The following EGFLAM variants were observed in gnomAD, a reference collection of about 807,000 sequenced individuals.
EGFLAM encodes pikachurin.
EGFLAM carries 79 observed loss-of-function variants against 113.1 expected under a neutral mutation model. That is an observed-to-expected ratio of 0.70 (90% CI 0.58 to 0.84). EGFLAM has a LOEUF of 0.84. EGFLAM is among the 40% of genes least tolerant of loss of function. The probability of loss-of-function intolerance (pLI) is 0.00; values close to 1 mark genes in which losing one functional copy is unlikely to be tolerated. For missense variants in EGFLAM, 1,265 were observed against 1,291.6 expected (o/e 0.98, Z 0.32); for synonymous variants, 504 against 487.6 (o/e 1.03, Z -0.44).
At chr5:38,412,287 A>G (rs926143428) in intron 10 of EGFLAM, among the ~76,000 whole-genome samples, 1 of 152,176 alleles carries the variant, frequency 6.6e-6, no homozygotes, top group Non-Finnish European at 1.5e-5. Context: ...GAAAGGTCCT[A>G]TGGGCAGATG....
At chr5:38,378,260 CT>C (rs1185571592) in intron 6 of EGFLAM, among the ~76,000 whole-genome samples, 1 of 152,054 alleles carries the variant, frequency 6.6e-6, no homozygotes, top group Non-Finnish European at 1.5e-5. Context: ...TTGTGTAAAC[CT>C]GTTGTCCCAT....
intron 6 of EGFLAM, among the ~76,000 whole-genome samples, chr5:38,387,177 G>C (rs567789049): frequency 2.0e-5 from 3 of 152,268 alleles, no homozygotes; most frequent in Non-Finnish European, 1.5e-5. Context: ...AAAAGGCATA[G>C]GGGCATAGAG....
chr5:38,463,135 G>A (rs1181989211), intron 21 of EGFLAM, 124 bp downstream of exon 21: 4 of 898,056 alleles, frequency 4.5e-6, no homozygotes, highest in Non-Finnish European at 6.7e-6. Flanking sequence ...AAGCCCTCCA[G>A]ATATTCCATT....
chr5:38,273,287 GA>G (rs1561257881), intron 1 of EGFLAM, among the ~76,000 whole-genome samples: 1 of 152,184 alleles, frequency 6.6e-6, no homozygotes, highest in East Asian at 1.9e-4. Context: ...TACACAGCCC[GA>G]TGACAGGCTG....
intron 5 of EGFLAM, among the ~76,000 whole-genome samples, chr5:38,357,967 ATTT>A (rs70978882): frequency 2.2e-4 from 26 of 119,410 alleles, no homozygotes; most frequent in African/African-American, 4.8e-4. Context: ...GGTTAAGTGA[ATTT>A]TTTTTTTTTT....
intron 3 of EGFLAM, among the ~76,000 whole-genome samples, chr5:38,340,236 T>C (rs895804833): frequency 7.2e-5 from 11 of 152,220 alleles, no homozygotes; most frequent in African/African-American, 2.7e-4. Context: ...GTTTCTTCCA[T>C]TTACAGGTTG....
Position 38,389,450 on chromosome 5 carries a change from A to T in EGFLAM, c.713-16676A>T, listed in dbSNP as rs367870318. Among the ~76,000 whole-genome samples, 11 of 152,292 alleles carry T rather than the reference A, an allele frequency of 7.2e-5. No homozygotes were observed. The East Asian group carries it at 1.5e-3, about 21-fold the overall frequency. ...TAGACTGTCAGATACAATCTAGATA[A>T]ATCACCTCTTGGATTTTGTATTTCA... On this transcript the variant is annotated intron_variant, in intron 6 of 21. Coordinates refer to ENST00000322350, the MANE Select transcript of EGFLAM (RefSeq NM_152403.4).
intron 1 of EGFLAM, among the ~76,000 whole-genome samples, chr5:38,322,056 G>T (rs1006018769): frequency 1.3e-5 from 2 of 152,180 alleles, no homozygotes; most frequent in Non-Finnish European, 2.9e-5. Context: ...TCTACTTGAA[G>T]AGAACTGCCC....
At chr5:38,438,122 CAA>C (rs376621912) in intron 16 of EGFLAM, among the ~76,000 whole-genome samples, 151 bp from the exon 17 acceptor site, 10,081 of 97,292 alleles carry the variant, frequency 0.1, 1,107 homozygotes, top group African/African-American at 0.3. Context: ...ACTCCATCTC[CAA>C]AAAAAAAAAA....
At chr5:38,336,340 A>T (rs1214354155) in intron 1 of EGFLAM, among the ~76,000 whole-genome samples, 1 of 152,182 alleles carries the variant, frequency 6.6e-6, no homozygotes, top group Non-Finnish European at 1.5e-5. Context: ...TTGGGAGGCC[A>T]AGGCGGGCAG....
rs1186006178 is a variant in EGFLAM at position 38,388,480 on chromosome 5, G to A, written c.713-17646G>A. On this transcript the variant is annotated intron_variant, in intron 6 of 21. Coordinates refer to ENST00000322350, the MANE Select transcript of EGFLAM (RefSeq NM_152403.4). ...CTCTACAAAAAACAAAAAGTTAGCT[G>A]GTGCCTGTAATCCTACACTTTGGAA... Among the ~76,000 whole-genome samples the A allele has an allele frequency of 2.0e-5, 3 of 151,912 alleles. No homozygotes were observed. In the East Asian group the frequency reaches 5.8e-4, roughly 29 times the overall value.
chr5:38,421,074 G>A (rs1251899095), intron 12 of EGFLAM, among the ~76,000 whole-genome samples: 2 of 152,112 alleles, frequency 1.3e-5, no homozygotes, highest in East Asian at 1.9e-4. Flanking sequence ...TAAGTCAAAC[G>A]CAGCCTCACC....
intron 6 of EGFLAM, among the ~76,000 whole-genome samples, chr5:38,375,063 T>TTTG (rs1740329141): frequency 8.5e-6 from 1 of 117,866 alleles, no homozygotes; most frequent in African/African-American, 2.9e-5. Context: ...TGTTGTTGTT[T>TTTG]TTTTTTTTTT....
At chr5:38,445,461 C>G (rs1742675415) in intron 17 of EGFLAM, 1 of 1,417,048 alleles carries the variant, frequency 7.1e-7, no homozygotes, top group Non-Finnish European at 9.2e-7. Flanking sequence ...GGTGAGGAGG[C>G]GGGTGGCTGG....
intron 1 of EGFLAM, among the ~76,000 whole-genome samples, chr5:38,297,927 C>T (rs998356502): frequency 6.6e-6 from 1 of 152,212 alleles, no homozygotes; most frequent in Admixed American, 6.5e-5. Flanking sequence ...CTGGGATCCA[C>T]TCCCCATTAC....
intron 1 of EGFLAM, among the ~76,000 whole-genome samples, chr5:38,312,628 A>C (rs548121499): frequency 1.3e-5 from 2 of 152,112 alleles, no homozygotes; most frequent in Non-Finnish European, 2.9e-5. Flanking sequence ...TGGCATCTAA[A>C]ATGTGTTAGA....
chr5:38,376,027 A>G (rs1740355618), intron 6 of EGFLAM, among the ~76,000 whole-genome samples: 1 of 152,060 alleles, frequency 6.6e-6, no homozygotes, highest in Non-Finnish European at 1.5e-5. Flanking sequence ...CCAAATCATG[A>G]TCTCTCATTC....
chr5:38,350,465 T>G (rs1190030023), intron 3 of EGFLAM, 36 bp from the exon 4 acceptor site: 2 of 1,598,586 alleles, frequency 1.3e-6, no homozygotes, highest in Non-Finnish European at 1.7e-6. Flanking sequence ...ACAGATGTAC[T>G]GATTGTTAGC....
At chr5:38,339,280 A>G (rs1020900679) in intron 3 of EGFLAM, among the ~76,000 whole-genome samples, 2 of 151,976 alleles carry the variant, frequency 1.3e-5, no homozygotes, top group African/African-American at 4.8e-5. Context: ...TTGGGTCCTC[A>G]TCTATTTTCT....
Sources: allele counts gnomAD v4.1 joint callset (sites outside exome capture counted in the v4.1 genomes callset), GRCh38; gene constraint gnomAD v4.1.1; transcripts MANE v1.5; gene names NCBI Gene and HGNC (gene_info 2026-07-23, HGNC 2026-07-21).